SLC24A2: variants seen among roughly 807,000 people sequenced by gnomAD.
SLC24A2 encodes the protein sodium/potassium/calcium exchanger 2.
In SLC24A2, 36 loss-of-function variants were observed where a neutral mutation model predicts 62.0. The observed-to-expected ratio is 0.58, with a 90% CI of 0.44 to 0.77. SLC24A2 has a LOEUF of 0.77. SLC24A2 is among the 30% of genes least tolerant of loss of function. The pLI, the probability that SLC24A2 is intolerant of heterozygous loss-of-function variation, is 0.00. For synonymous variants in SLC24A2, 358 were observed against 294.0 expected, an observed-to-expected ratio of 1.22 and a Z score of -2.23; for missense variants, 846 against 817.9, an observed-to-expected ratio of 1.03 and a Z score of -0.42.
At chr9:20,126,720 A>T in the SLC24A2 span, among the ~76,000 whole-genome samples, 2 of 152,186 alleles carry the variant, frequency 1.3e-5, no homozygotes, top group Non-Finnish European at 2.9e-5. Context: ...TCAGTTTGAC[A>T]GTACAATTAA....
the SLC24A2 span, among the ~76,000 whole-genome samples, chr9:19,892,925 C>G: frequency 6.6e-6 from 1 of 152,080 alleles, no homozygotes; most frequent in Non-Finnish European, 1.5e-5. Flanking sequence ...CTGCCCAAGT[C>G]CCCTTAGATC....
At chr9:19,668,869 C>A (rs1819333001) in intron 2 of SLC24A2, among the ~76,000 whole-genome samples, 1 of 152,094 alleles carries the variant, frequency 6.6e-6, no homozygotes, top group Non-Finnish European at 1.5e-5. Context: ...TTTTCTGTGA[C>A]CATAGCCCCT....
At chr9:19,686,316 T>G (rs1381277906) in intron 2 of SLC24A2, among the ~76,000 whole-genome samples, 1 of 152,094 alleles carries the variant, frequency 6.6e-6, no homozygotes, top group Non-Finnish European at 1.5e-5. Context: ...GTGGAAATGT[T>G]AATTAGTTCA....
At chr9:20,058,868 G>C in the SLC24A2 span, among the ~76,000 whole-genome samples, 1 of 152,174 alleles carries the variant, frequency 6.6e-6, no homozygotes, top group Non-Finnish European at 1.5e-5. Flanking sequence ...TATTCCGATA[G>C]AATAACATCC....
the SLC24A2 span, among the ~76,000 whole-genome samples, chr9:19,820,423 A>C: frequency 6.6e-6 from 1 of 151,410 alleles, no homozygotes; most frequent in African/African-American, 2.4e-5. Context: ...TGTACCCCAT[A>C]ACTTATGGAA....
At chr9:20,005,083 A>C in the SLC24A2 span, among the ~76,000 whole-genome samples, 7 of 152,204 alleles carry the variant, frequency 4.6e-5, no homozygotes, top group African/African-American at 1.7e-4. Flanking sequence ...TATGGGCATT[A>C]AAACTTAACA....
the SLC24A2 span, among the ~76,000 whole-genome samples, chr9:20,228,492 C>T: frequency 1.3e-5 from 2 of 151,806 alleles, no homozygotes; most frequent in Non-Finnish European, 2.9e-5. Context: ...AAAATCCAAG[C>T]GCAACAAATA....
intron 7 of SLC24A2, among the ~76,000 whole-genome samples, chr9:19,553,857 T>C (rs956002292): frequency 1.3e-5 from 2 of 152,250 alleles, no homozygotes; most frequent in African/African-American, 4.8e-5. Flanking sequence ...ACAGGGCTGC[T>C]GGCCGGTTAA....
At position 19,620,962 on chromosome 9, in the gene SLC24A2, C is replaced by T. The variant is rs540778615; in HGVS notation, c.970-1270G>A. Among the ~76,000 whole-genome samples the T allele has an allele frequency of 1.2e-4, 19 of 152,272 alleles. 1 individual carries two copies. In the South Asian group the frequency reaches 3.7e-3, roughly 30 times the overall value. On this transcript the variant is annotated intron_variant, in intron 3 of 10. Coordinates refer to ENST00000341998, the MANE Select transcript of SLC24A2 (RefSeq NM_020344.4). Reference sequence around the variant, plus strand: ...CCCCAAAAATGTCCCATAAGAGACCCCATGATCAAATACATATTGGATATA... The same window carrying T: ...CCCCAAAAATGTCCCATAAGAGACCTCATGATCAAATACATATTGGATATA...
At chr9:19,757,325 G>A (rs1054831482) in intron 2 of SLC24A2, among the ~76,000 whole-genome samples, 2 of 151,964 alleles carry the variant, frequency 1.3e-5, no homozygotes, top group African/African-American at 4.8e-5. Flanking sequence ...AAAATACATG[G>A]CTGTATAAAA....
intron 5 of SLC24A2, among the ~76,000 whole-genome samples, chr9:19,591,431 T>C (rs916359228): frequency 3.9e-5 from 6 of 152,240 alleles, no homozygotes; most frequent in Non-Finnish European, 8.8e-5. Context: ...AATGACATAA[T>C]GCCTAAATTA....
At chr9:20,230,030 A>T in the SLC24A2 span, among the ~76,000 whole-genome samples, 84 of 152,236 alleles carry the variant, frequency 5.5e-4, no homozygotes, top group African/African-American at 1.9e-3. Context: ...GATGGTTTCC[A>T]GTTTCATCCA....
At chr9:19,880,682 A>G in the SLC24A2 span, among the ~76,000 whole-genome samples, 1 of 152,172 alleles carries the variant, frequency 6.6e-6, no homozygotes, top group African/African-American at 2.4e-5. Flanking sequence ...AAATGAAAGA[A>G]AGAGAGAAGT....
intron 10 of SLC24A2, among the ~76,000 whole-genome samples, chr9:19,520,214 A>C (rs1476775446): frequency 6.6e-6 from 1 of 152,204 alleles, no homozygotes; most frequent in Non-Finnish European, 1.5e-5. Flanking sequence ...CTTATATCTT[A>C]TTCTCTCAGG....
the SLC24A2 span, among the ~76,000 whole-genome samples, chr9:20,121,409 G>T: frequency 6.6e-6 from 1 of 151,462 alleles, no homozygotes; most frequent in Admixed American, 6.6e-5. Flanking sequence ...TTTGTCCAGG[G>T]GTTGGAAAAC....
chr9:20,174,396 C>T, the SLC24A2 span, among the ~76,000 whole-genome samples: 10 of 151,950 alleles, frequency 6.6e-5, no homozygotes, highest in East Asian at 1.9e-3. Flanking sequence ...GCAAAAGGAA[C>T]AGTCAGCAGA....
the SLC24A2 span, among the ~76,000 whole-genome samples, chr9:19,895,551 T>TTTG: frequency 6.6e-6 from 1 of 151,224 alleles, no homozygotes; most frequent in Non-Finnish European, 1.5e-5. Flanking sequence ...TCTTTCTTTT[T>TTTG]TTTTTTTTTT....
At chr9:19,687,566 T>G (rs370707690) in intron 2 of SLC24A2, among the ~76,000 whole-genome samples, 2 of 152,230 alleles carry the variant, frequency 1.3e-5, no homozygotes, top group East Asian at 3.9e-4. Context: ...TTCTGAAACA[T>G]TGTACCAATG....
At chr9:19,942,539 T>G in the SLC24A2 span, among the ~76,000 whole-genome samples, 1 of 152,122 alleles carries the variant, frequency 6.6e-6, no homozygotes, top group East Asian at 1.9e-4. Context: ...TGCAGAAGAA[T>G]ATGGGAATTT....
Sources: allele counts gnomAD v4.1 joint callset (sites outside exome capture counted in the v4.1 genomes callset), GRCh38; gene constraint gnomAD v4.1.1; transcripts MANE v1.5; gene names NCBI Gene and HGNC (gene_info 2026-07-23, HGNC 2026-07-21).